The following NCKAP1L variants were observed in gnomAD, a reference collection of about 807,000 sequenced individuals.
NCKAP1L encodes the protein nck-associated protein 1-like.
A neutral mutation model predicts 139.2 loss-of-function variants in NCKAP1L; 53 were observed. The ratio of observed to expected loss-of-function variants is 0.38; its 90% CI spans 0.31 to 0.48. NCKAP1L has a LOEUF of 0.48. Ranked by LOEUF, NCKAP1L falls within the 20% of genes least tolerant of loss-of-function variation. The pLI is 0.98. For missense variants in NCKAP1L, 1,151 were observed against 1,381.9 expected (o/e 0.83, Z 2.65); for synonymous variants, 468 against 499.7 (o/e 0.94, Z 0.85).
chr12:54,536,323 G>A (rs545042531), intron 28 of NCKAP1L, 78 bp downstream of exon 28: 2 of 1,030,632 alleles, frequency 1.9e-6, no homozygotes, highest in African/African-American at 3.2e-5. Flanking sequence ...CAGAGATACT[G>A]GAAAATATAG....
At chr12:54,536,665 GA>G (rs1187492954) in intron 28 of NCKAP1L, 490 of 237,464 alleles carry the variant, frequency 2.1e-3, no homozygotes, top group Middle Eastern at 5.1e-3. Context: ...TTTAAAAAAA[GA>G]AAAAAAAAAG....
rs1439704924 is a variant in NCKAP1L, at chr12:54,509,813, A to G, written c.598-35A>G. On this transcript the variant is annotated intron_variant, in intron 6 of 30. Coordinates refer to ENST00000293373, the MANE Select transcript of NCKAP1L (RefSeq NM_005337.5). ...CAGGCAAAAGTATATTGTCCTCATG[A>G]TTGCCGCTAAGGTTTCATTTGCTTT... The G allele has an allele frequency of 2.5e-6, 4 of 1,614,106 alleles. No individual in the cohort carries two copies. In the Admixed American group the frequency reaches 6.7e-5, roughly 27 times the overall value.
Position 54,497,831 on chromosome 12 carries a change from G to T in NCKAP1L, c.42G>T (p.Lys14Asn). The T allele has an allele frequency of 1.2e-6, 2 of 1,613,962 alleles. No homozygotes were observed. Among genetic ancestry groups the T allele is most frequent in the Non-Finnish European group, 1.7e-6 (2 of 1,179,822 alleles). Residue 14 changes from lysine to asparagine, a missense_variant, in exon 1 of 31, where the codon AAG becomes AAT. Coordinates refer to ENST00000293373, the MANE Select transcript of NCKAP1L (RefSeq NM_005337.5). Reference sequence around the variant, plus strand: ...CTTACCAGCATAAATTAGCAGAGAAGCTCACTATCCTGAATGATCGCGGTC... The same window carrying T: ...CTTACCAGCATAAATTAGCAGAGAATCTCACTATCCTGAATGATCGCGGTC... ...TSAYQHKLAE[K>N]LTILNDRGQG...
At chr12:54,507,791 C>G in intron 3 of NCKAP1L, 62 bp from the exon 4 acceptor site, 1 of 1,480,748 alleles carries the variant, frequency 6.8e-7, no homozygotes, top group South Asian at 1.1e-5. Context: ...CCCTCAAGTT[C>G]TGGTAGTACG....
chr12:54,524,102 C>A, intron 20 of NCKAP1L, 146 bp downstream of exon 20: 1 of 868,378 alleles, frequency 1.2e-6, no homozygotes, highest in Non-Finnish European at 1.8e-6. Context: ...CTGTTGCAGT[C>A]AGTCTAGCAT....
chr12:54,537,014 C>G lies in NCKAP1L; in HGVS notation c.3144C>G (p.Tyr1048Ter). ...TGTCTGCTGCCCTCTTCACGCTCTA[C>G]AACAAGAACATTGAAACTCACCTCA... Reference protein sequence around the residue: ...IQVSAALFTLYNKNIETHLKE... With the variant: ...IQVSAALFTL Residue 1048 changes from tyrosine to a stop codon, truncating the protein, a stop_gained, in exon 29 of 31, where the codon TAC becomes TAG. Transcript: ENST00000293373. LOFTEE classifies it high-confidence loss of function. 1 of 1,613,540 alleles carries G rather than the reference C, an allele frequency of 6.2e-7. No individual in the cohort carries two copies. Among genetic ancestry groups the G allele is most frequent in the Non-Finnish European group, 8.5e-7 (1 of 1,179,572 alleles).
chr12:54,510,122 G>T, intron 7 of NCKAP1L, 137 bp downstream of exon 7: 2 of 1,222,300 alleles, frequency 1.6e-6, no homozygotes, highest in Non-Finnish European at 2.3e-6. Flanking sequence ...TCTAAGTTGA[G>T]CACTTCTTGT....
intron 26 of NCKAP1L, among the ~76,000 whole-genome samples, chr12:54,532,556 A>T (rs577254719): frequency 6.6e-6 from 1 of 152,244 alleles, no homozygotes; most frequent in South Asian, 2.1e-4. Context: ...CACTGTGCAA[A>T]TTAGATAAAC....
At chr12:54,505,997 A>G (rs1052776587) in intron 3 of NCKAP1L, among the ~76,000 whole-genome samples, 2 of 152,174 alleles carry the variant, frequency 1.3e-5, no homozygotes, top group African/African-American at 4.8e-5. Flanking sequence ...ATTCCATTGC[A>G]TGGGTACAAT....
intron 29 of NCKAP1L, 56 bp from the exon 30 acceptor site, chr12:54,538,828 A>G: frequency 7.6e-7 from 1 of 1,308,014 alleles, no homozygotes; most frequent in Admixed American, 1.7e-5. Context: ...CTGCAGCCTG[A>G]GGCCATTTGA....
intron 30 of NCKAP1L, among the ~76,000 whole-genome samples, chr12:54,541,330 C>T (rs1276705270): frequency 1.3e-5 from 2 of 152,210 alleles, no homozygotes; most frequent in South Asian, 2.1e-4. Flanking sequence ...TTTCCACTCC[C>T]GTAAACTTCT....
At chr12:54,523,326 TTATAACTG>T (rs1957000561) in intron 18 of NCKAP1L, 60 bp from the exon 19 acceptor site, 4 of 1,541,806 alleles carry the variant, frequency 2.6e-6, no homozygotes, top group Non-Finnish European at 3.5e-6. Context: ...AACAACCTTT[TTATAACTG>T]TCAGGTGCCG....
In NCKAP1L at chr12:54,523,397, C is replaced by T. The variant is rs1451561109; in HGVS notation, c.1882C>T (p.Leu628=). ...AEQRNLSEQL[L]PKHCATTISK... is the part of the protein sequence containing the mutation. ...TTACCTGTGTTTGTTTCTGAAGCTT[C>T]TACCTAAGCACTGTGCCACTACAAT... The change falls in exon 19 of 31, where the codon CTA becomes TTA. Residue 628 remains leucine, a synonymous_variant. Coordinates refer to ENST00000293373, the MANE Select transcript of NCKAP1L (RefSeq NM_005337.5). 7 of 1,609,898 alleles carry T rather than the reference C, an allele frequency of 4.3e-6. No individual in the cohort carries two copies. Among genetic ancestry groups the T allele is most frequent in the Non-Finnish European group, 5.9e-6 (7 of 1,178,812 alleles).
chr12:54,532,100 T>A, intron 25 of NCKAP1L, 70 bp from the exon 26 acceptor site: 5 of 1,215,544 alleles, frequency 4.1e-6, no homozygotes, highest in South Asian at 1.5e-5. Context: ...TTTTTTTTTT[T>A]TTATTTCTAC....
intron 8 of NCKAP1L, 40 bp from the exon 9 acceptor site, chr12:54,511,909 G>A: frequency 3.1e-6 from 5 of 1,614,136 alleles, no homozygotes; most frequent in Non-Finnish European, 4.2e-6. Context: ...TGAAGAACAA[G>A]TTCTAAAAGT....
chr12:54,498,436 T>TC (rs1565670149), intron 1 of NCKAP1L, among the ~76,000 whole-genome samples: 86 of 150,392 alleles, frequency 5.7e-4, no homozygotes, highest in African/African-American at 1.7e-3. Context: ...TGTGTGTGTT[T>TC]AGAATAGGAA....
chr12:54,520,609 CTA>C (rs1328979507), intron 16 of NCKAP1L, 83 bp from the exon 17 acceptor site: 1 of 1,433,360 alleles, frequency 7.0e-7, no homozygotes, highest in Non-Finnish European at 9.8e-7. Context: ...CTCTTAAACT[CTA>C]TTTTTCTTTT....
Position 54,497,887 on chromosome 12 carries a change from A to G in NCKAP1L, c.98A>G (p.Lys33Arg), listed in dbSNP as rs573401725. The change falls in exon 1 of 31, where the codon AAG becomes AGG. Residue 33 changes from lysine (K) to arginine (R), a missense_variant. Coordinates refer to ENST00000293373, the MANE Select transcript of NCKAP1L (RefSeq NM_005337.5). ...GTTCTCATCCGTATGTATAACATCAAGAAGGTAAGCATGAACAATGGGACT... is the reference window on the plus strand; with the variant it reads ...GTTCTCATCCGTATGTATAACATCAGGAAGGTAAGCATGAACAATGGGACT... ...QGVLIRMYNIKKTCSDPKSKP... is the reference protein window; with the variant it reads ...QGVLIRMYNIRKTCSDPKSKP... 5.0e-5 allele frequency: 80 copies of G among 1,592,922 alleles called. No homozygotes were observed. In the South Asian group the frequency reaches 7.8e-4, roughly 16 times the overall value.
At chr12:54,522,609 G>C (rs1956992888) in intron 18 of NCKAP1L, among the ~76,000 whole-genome samples, 1 of 152,166 alleles carries the variant, frequency 6.6e-6, no homozygotes, top group Non-Finnish European at 1.5e-5. Context: ...AGGTGGACTT[G>C]ATTTTTTTGA....
Sources: gnomAD v4.1 joint callset for allele counts (sites outside exome capture counted in the v4.1 genomes callset) on GRCh38, gnomAD v4.1.1 for gene constraint, MANE v1.5 for transcripts, NCBI Gene and HGNC (gene_info 2026-07-23, HGNC 2026-07-21) for gene names.